Variants in PPP1R13L observed in about 807,000 individuals in gnomAD.
The protein encoded by PPP1R13L is relA-associated inhibitor.
Under a neutral mutation model 80.9 loss-of-function variants are expected in PPP1R13L, and 50 were observed. The ratio of observed to expected loss-of-function variants is 0.62; its 90% confidence interval spans 0.49 to 0.78. The LOEUF (loss-of-function observed/expected upper bound fraction) is 0.78, where lower values mean the gene tolerates loss of function less well. Among genes scored for constraint, PPP1R13L ranks in the 30% least tolerant of loss-of-function variants. PPP1R13L has a pLI of 0.00. For synonymous variants in PPP1R13L, 602 were observed against 534.3 expected (o/e 1.13, Z -1.75); for missense variants, 1,200 against 1,205.9 (o/e 1.00, Z 0.07).
Position 45,386,198 on chromosome 19 carries a change from G to C in PPP1R13L, c.1816-18C>G. ...CGCATCTCCTGGGGGACAGGGCGCA[G>C]AGGTCAGCGACTTGGAGGGATTGTT... On this transcript the variant is annotated intron_variant, in intron 8 of 12. Transcript: ENST00000360957. The C allele has an allele frequency of 6.7e-7, 1 of 1,499,064 alleles. No homozygotes were observed. The highest frequency in any genetic ancestry group is 8.8e-7 in the Non-Finnish European group (1 of 1,137,524). The allele number at this position is 1,499,064 out of a possible 1,614,324, so 92.9% of individuals were successfully genotyped here. A position where few individuals can be genotyped will look rare whatever the true frequency, so the allele number is the denominator to read the frequency against.
chr19:45,405,598 C>A (rs1973325975), upstream of PPP1R13L, among the ~76,000 whole-genome samples: 1 of 152,250 alleles, frequency 6.6e-6, no homozygotes, highest in African/African-American at 2.4e-5. Flanking sequence ...GTCTCTCTCG[C>A]CCACGCGAAG....
At chr19:45,399,777 G>A (rs550856768) in intron 1 of PPP1R13L, among the ~76,000 whole-genome samples, 3 of 151,720 alleles carry the variant, frequency 2.0e-5, no homozygotes, top group South Asian at 4.2e-4. Context: ...GTGAAACCCC[G>A]TCTCTACAAA....
At chr19:45,381,492 G>A (rs1400659629) in intron 12 of PPP1R13L, among the ~76,000 whole-genome samples, 2 of 151,980 alleles carry the variant, frequency 1.3e-5, no homozygotes, top group East Asian at 1.9e-4. Flanking sequence ...CTTCTTTGTC[G>A]CTTCCCTTGG....
At chr19:45,401,495 G>C (rs1253511826) in intron 1 of PPP1R13L, among the ~76,000 whole-genome samples, 4 of 152,016 alleles carry the variant, frequency 2.6e-5, no homozygotes, top group Non-Finnish European at 4.4e-5. Context: ...ACCACACCTG[G>C]CCAAATCAGC....
At chr19:45,402,671 G>A (rs912968252) in intron 1 of PPP1R13L, among the ~76,000 whole-genome samples, 1 of 152,182 alleles carries the variant, frequency 6.6e-6, no homozygotes. Flanking sequence ...TCTGTTCCCA[G>A]GCCTCTGCCC....
chr19:45,396,925 G>A lies in PPP1R13L; in HGVS notation c.332C>T (p.Pro111Leu), dbSNP rs1442480571. The A allele has an allele frequency of 6.7e-7, 1 of 1,482,798 alleles. No individual in the cohort carries two copies. The highest frequency in any genetic ancestry group is 8.9e-7 in the Non-Finnish European group (1 of 1,124,860). The allele number at this position is 1,482,798 out of a possible 1,614,324, so 91.9% of individuals were successfully genotyped here. A position where few individuals can be genotyped will look rare whatever the true frequency, so the allele number is the denominator to read the frequency against. Residue 111 changes from proline (P) to leucine (L), a missense_variant, in exon 4 of 13, where the codon CCG becomes CTG. By Grantham distance (98) the Pro-to-Leu change is moderately conservative. Coordinates refer to ENST00000360957, the MANE Select transcript of PPP1R13L (RefSeq NM_006663.4). The surrounding 1 kb of genome is among the most constrained non-coding windows in gnomAD (Gnocchi z 5.3). Reference protein sequence around the residue: ...ESAPTLHPYSPLSPKGRPSSP... With the variant: ...ESAPTLHPYSLLSPKGRPSSP... ...CGACGGCCGTCCCTTGGGGGACAGC[G>A]GGCTGTAGGGGTGTAGGGTTGGGGC...
upstream of PPP1R13L, chr19:45,405,079 G>C: frequency 1.0e-6 from 1 of 985,608 alleles, no homozygotes; most frequent in Non-Finnish European, 1.2e-6. Flanking sequence ...GGCGGGGCAG[G>C]AGCTGGGAAC....
At chr19:45,388,024 G>C (rs2123360990) in intron 8 of PPP1R13L, among the ~76,000 whole-genome samples, 1 of 151,844 alleles carries the variant, frequency 6.6e-6, no homozygotes, top group East Asian at 2.0e-4. Flanking sequence ...CAAAAATTAG[G>C]TGGCCGTGGT....
At chr19:45,385,484 C>G in intron 11 of PPP1R13L, 78 bp downstream of exon 11, 1 of 1,432,852 alleles carries the variant, frequency 7.0e-7, no homozygotes, top group East Asian at 2.5e-5. Context: ...CCTTCTCTCC[C>G]TAGTAGGGGG....
chr19:45,402,961 A>T (rs1414363925), intron 1 of PPP1R13L, among the ~76,000 whole-genome samples: 2 of 152,158 alleles, frequency 1.3e-5, no homozygotes, highest in Non-Finnish European at 2.9e-5. Flanking sequence ...CTGTCGGGTC[A>T]CACTGAATCT....
chr19:45,402,541 G>A (rs1367700221), intron 1 of PPP1R13L, among the ~76,000 whole-genome samples: 1 of 152,220 alleles, frequency 6.6e-6, no homozygotes, highest in African/African-American at 2.4e-5. Context: ...GGCGGACTGC[G>A]CCTGAGCTCA....
At chr19:45,382,324 C>T (rs1445025329) in intron 12 of PPP1R13L, among the ~76,000 whole-genome samples, 2 of 152,078 alleles carry the variant, frequency 1.3e-5, no homozygotes, top group African/African-American at 4.8e-5. Flanking sequence ...ACTCCACTAA[C>T]TATAAGGGAC....
In PPP1R13L at chr19:45,385,833, C is replaced by T. The variant is rs751676881; in HGVS notation, c.2072G>A (p.Ser691Asn). ...TAGANVNSPDSHGWTPLHCAA... is the reference protein window; with the variant it reads ...TAGANVNSPDNHGWTPLHCAA... ...GCGGGTCGGGGCTCACCAGCCGTGG[C>T]TGTCGGGGGAGTTGACATTGGCACC... is the stretch of plus-strand genomic sequence containing the variant. The change falls in exon 10 of 13, where the codon AGC becomes AAC. Residue 691 changes from serine to asparagine, a missense_variant. Physicochemically the swap from Ser to Asn is conservative, Grantham distance 46. Around this residue, in one of 5 missense-constraint regions of PPP1R13L, gnomAD observed 214 missense variants for 199.6 expected, o/e 1.07. Coordinates refer to ENST00000360957, the MANE Select transcript of PPP1R13L (RefSeq NM_006663.4). 1.2e-6 allele frequency: 2 copies of T among 1,611,152 alleles called. No individual in the cohort carries two copies. The highest frequency in any genetic ancestry group is 1.7e-6 in the Non-Finnish European group (2 of 1,178,946).
At chr19:45,387,132 G>C (rs946359009) in intron 8 of PPP1R13L, among the ~76,000 whole-genome samples, 2 of 151,840 alleles carry the variant, frequency 1.3e-5, no homozygotes, top group Admixed American at 6.6e-5. Context: ...GCCTGACATG[G>C]TGGCGCACAC....
rs574069683 is a variant in PPP1R13L, at chr19:45,396,963, T to C, written c.294A>G (p.Gly98=). The change falls in exon 4 of 13, where the codon GGA becomes GGG. Residue 98 remains glycine, a synonymous_variant. Transcript: ENST00000360957. The surrounding 1 kb of genome is among the most constrained non-coding windows in gnomAD (Gnocchi z 5.3). ...AATDGADTPF[G]RSESAPTLHP... ...GTAGGGTTGGGGCACTCTCTGATCG[T>C]CCGAACGGGGTGTCTGCGCCGTCGG... is the stretch of plus-strand genomic sequence containing the variant. 53 of 1,409,402 alleles carry C rather than the reference T, an allele frequency of 3.8e-5. 1 individual carries two copies. The South Asian group carries it at 7.9e-4, about 21-fold the overall frequency. 87.3% of individuals were successfully genotyped at this position (1,409,402 alleles called of 1,614,324 possible).
chr19:45,389,028 G>A (rs374158152), intron 8 of PPP1R13L, among the ~76,000 whole-genome samples: 28 of 152,190 alleles, frequency 1.8e-4, no homozygotes, highest in East Asian at 9.7e-4. Context: ...ATGAGCCACC[G>A]TGCCCAGCCT....
chr19:45,396,783 G>A lies in PPP1R13L; in HGVS notation c.474C>T (p.Ser158=). The A allele has an allele frequency of 7.4e-7, 1 of 1,358,804 alleles. No homozygotes were observed. Among genetic ancestry groups the A allele is most frequent in the Non-Finnish European group, 9.4e-7 (1 of 1,065,900 alleles). The allele number at this position is 1,358,804 out of a possible 1,614,324, so 84.2% of individuals were successfully genotyped here. The part of the protein sequence containing the change: ...GAGSSLGRAP[S]PRPGPGPLRQ... Reference sequence around the variant, plus strand: ...GGAGCGGGCCTGGCCCGGGCCGCGGGGAGGGCGCACGGCCGAGGGAGCTGC... The same window carrying A: ...GGAGCGGGCCTGGCCCGGGCCGCGGAGAGGGCGCACGGCCGAGGGAGCTGC... Residue 158 remains serine (S), a synonymous_variant, in exon 4 of 13, where the codon TCC becomes TCT. Transcript: ENST00000360957. This position sits in a 1 kb window ranked among gnomAD's most constrained non-coding sequence, Gnocchi z 5.3.
At position 45,396,139 on chromosome 19, in the gene PPP1R13L, C is replaced by G. The variant is rs768005575; in HGVS notation, c.903+29G>C. On this transcript the variant is annotated intron_variant, in intron 6 of 12. Transcript: ENST00000360957. This position sits in a 1 kb window ranked among gnomAD's most constrained non-coding sequence, Gnocchi z 5.3. ...CACCCCACTCCTCGACCTTCCCCAG[C>G]CTCTCCTCCCCAGGCGTCGCCTCCT... is the stretch of plus-strand genomic sequence containing the variant. The G allele has an allele frequency of 1.5e-5, 23 of 1,572,490 alleles. No individual in the cohort carries two copies. The highest frequency in any genetic ancestry group is 1.8e-5 in the Non-Finnish European group (21 of 1,160,718).
chr19:45,380,852 A>G lies in PPP1R13L; in HGVS notation c.2449-624T>C, dbSNP rs560345702. Among the ~76,000 whole-genome samples, 17 of 41,308 alleles carry G rather than the reference A, an allele frequency of 4.1e-4. No homozygotes were observed. The East Asian group carries it at 0.01, about 25-fold the overall frequency. 27.1% of individuals were successfully genotyped at this position (41,308 alleles called of 152,430 possible). A position where few individuals can be genotyped will look rare whatever the true frequency, so the allele number is the denominator to read the frequency against. ...AAAACACACACACACACACACACAG[A>G]AAAAAAAAACCAAAATAAAAAAATC... On this transcript the variant is annotated intron_variant, in intron 12 of 12. Transcript: ENST00000360957.
Sources: allele counts gnomAD v4.1 joint callset (sites outside exome capture counted in the v4.1 genomes callset), GRCh38; gene constraint gnomAD v4.1.1; regional missense constraint gnomAD v4.1.1; non-coding constraint Gnocchi (gnomAD v3.1); transcripts MANE v1.5; gene names NCBI Gene and HGNC (gene_info 2026-07-23, HGNC 2026-07-21).